BPIFB2: variants seen among roughly 807,000 people sequenced by gnomAD.
The protein encoded by BPIFB2 is BPI fold-containing family B member 2.
Under a neutral mutation model 50.1 loss-of-function variants are expected in BPIFB2, and 39 were observed. The observed-to-expected ratio is 0.78, with a 90% CI of 0.60 to 1.02. The LOEUF (loss-of-function observed/expected upper bound fraction) is 1.02. Ranked by LOEUF, BPIFB2 falls within the 50% of genes least tolerant of loss-of-function variation. The probability of loss-of-function intolerance (pLI) is 0.00; values close to 1 mark genes in which losing one functional copy is unlikely to be tolerated. For missense variants in BPIFB2, 574 were observed against 585.8 expected (o/e 0.98, Z 0.21); for synonymous variants, 280 against 256.3 (o/e 1.09, Z -0.88).
In BPIFB2 at chr20:33,009,170, C is replaced by T. The variant is rs748728045; in HGVS notation, c.109+487C>T. ...TTCTTGGGAGAGGTCTGTCTAGCAC[C>T]GTGATGCAAGGAGTGTTCTAAAGTT... On this transcript the variant is annotated intron_variant, in intron 2 of 15. Transcript: ENST00000170150. The surrounding 1 kb of genome is among the most constrained non-coding windows in gnomAD (Gnocchi z 4.2). Among the ~76,000 whole-genome samples, 20 of 152,072 alleles carry T rather than the reference C, an allele frequency of 1.3e-4. No individual in the cohort carries two copies. Among genetic ancestry groups the T allele is most frequent in the Non-Finnish European group, 2.9e-4 (20 of 68,002 alleles).
In BPIFB2 at chr20:33,013,974, GCAGGGTCACAGGAATCC is replaced by G. The variant is rs1430954792; in HGVS notation, c.455+22_455+38del. On this transcript the variant is annotated intron_variant, in intron 5 of 15. Transcript: ENST00000170150. ...AGTAACAGGTGGGTGCCTGGTGAGG[GCAGGGTCACAGGAATCC>G]CAGATGCCAAAGCTGTGCTGCTGTT... The G allele has an allele frequency of 6.2e-7, 1 of 1,606,894 alleles. No individual in the cohort carries two copies. Among genetic ancestry groups the G allele is most frequent in the African/African-American group, 1.3e-5 (1 of 74,818 alleles).
chr20:33,015,967 T>C (rs1978412422), intron 6 of BPIFB2, among the ~76,000 whole-genome samples: 1 of 152,164 alleles, frequency 6.6e-6, no homozygotes. Context: ...ATGAAATGCA[T>C]TAACATTTCA....
At chr20:33,015,133 G>A (rs560480121) in intron 5 of BPIFB2, among the ~76,000 whole-genome samples, 2 of 152,166 alleles carry the variant, frequency 1.3e-5, no homozygotes, top group African/African-American at 4.8e-5. Flanking sequence ...GAGTGGCCAC[G>A]AAGCCAGCTG....
At position 33,023,513 on chromosome 20, in the gene BPIFB2, G is replaced by T; in HGVS notation, c.*130G>T. ...CCAACAAGCTGGACTGCTTAGCTGG[G>T]CTGTTTTATCTTCCCTGAGTGCCTG... On this transcript the variant is annotated 3_prime_UTR_variant, in exon 16 of 16. Coordinates refer to ENST00000170150, the MANE Select transcript of BPIFB2 (RefSeq NM_025227.3). 8.9e-7 allele frequency: 1 copy of T among 1,125,968 alleles called. No homozygotes were observed. The highest frequency in any genetic ancestry group is 1.3e-6 in the Non-Finnish European group (1 of 762,988). The allele number at this position is 1,125,968 out of a possible 1,614,324, so 69.7% of individuals were successfully genotyped here. A position where few individuals can be genotyped will look rare whatever the true frequency, so the allele number is the denominator to read the frequency against.
At position 33,021,270 on chromosome 20, in the gene BPIFB2, C is replaced by A. The variant is rs775070046; in HGVS notation, c.1195-11C>A. ...TGGGACGGGCCCATCTCCCTGGCTC[C>A]GTGGCCACAGACAGATCAGGTGCGC... On this transcript the variant is annotated splice_polypyrimidine_tract_variant and intron_variant, in intron 13 of 15. Coordinates refer to ENST00000170150, the MANE Select transcript of BPIFB2 (RefSeq NM_025227.3). 2.5e-6 allele frequency: 4 copies of A among 1,613,866 alleles called. No individual in the cohort carries two copies. In the Admixed American group the frequency reaches 6.7e-5, roughly 27 times the overall value.
At chr20:33,010,337 C>G (rs895979716) in intron 2 of BPIFB2, among the ~76,000 whole-genome samples, 4 of 152,144 alleles carry the variant, frequency 2.6e-5, no homozygotes, top group African/African-American at 9.7e-5. Context: ...CAGAACAGGG[C>G]CTGGCACTAC....
Position 33,019,099 on chromosome 20 carries a change from G to A in BPIFB2, c.893G>A (p.Gly298Asp), listed in dbSNP as rs1484884049. Residue 298 changes from glycine to aspartate, a missense_variant, in exon 10 of 16, where the codon GGC (glycine) becomes GAC (aspartate). Physicochemically the swap from Gly to Asp is moderately conservative, Grantham distance 94. Coordinates refer to ENST00000170150, the MANE Select transcript of BPIFB2 (RefSeq NM_025227.3). ...DDNLLNTSAL[G>D]RLIPEVARQF... Reference sequence around the variant, plus strand: ...AACCTGCTGAACACCTCTGCTCTGGGCCGGCTCATCCCGGAGGTCGGTGAT... The same window carrying A: ...AACCTGCTGAACACCTCTGCTCTGGACCGGCTCATCCCGGAGGTCGGTGAT... The A allele has an allele frequency of 5.0e-6, 8 of 1,614,166 alleles. No individual in the cohort carries two copies. The highest frequency in any genetic ancestry group is 2.2e-5 in the South Asian group (2 of 91,088).
chr20:33,018,183 C>T (rs777085571), intron 7 of BPIFB2, 76 bp from the exon 8 acceptor site: 145 of 1,155,992 alleles, frequency 1.3e-4, no homozygotes, highest in Middle Eastern at 2.0e-4. Context: ...AATAAATAAA[C>T]TTTTCTGGAT....
At chr20:33,020,620 C>A in intron 13 of BPIFB2, 33 bp downstream of exon 13, 1 of 1,574,892 alleles carries the variant, frequency 6.3e-7, no homozygotes, top group Non-Finnish European at 8.6e-7. Flanking sequence ...TAGAAACCCC[C>A]GTCCTGGGTA....
rs150330133 is a variant in BPIFB2, at chr20:33,018,281, G to A, written c.600G>A (p.Glu200=). The stretch of plus-strand genomic sequence containing the variant: ...AAGGCCTCAACCCCGTGGGTCCTGA[G>A]TCCCAGATCCGCTATTCCATGGTCA... ...TLIGLNPVGP[E]SQIRYSMVSV... is the part of the protein sequence containing the mutation. Residue 200 remains glutamate (E), a synonymous_variant, in exon 8 of 16, where the codon GAG becomes GAA. Transcript: ENST00000170150. The A allele has an allele frequency of 1.4e-5, 22 of 1,614,022 alleles. No individual in the cohort carries two copies. The highest frequency in any genetic ancestry group is 1.6e-4 in the Middle Eastern group (1 of 6,062).
chr20:33,016,367 C>T (rs1193361033), intron 6 of BPIFB2, among the ~76,000 whole-genome samples: 1 of 152,130 alleles, frequency 6.6e-6, no homozygotes, highest in Non-Finnish European at 1.5e-5. Context: ...CTGTAGTCCC[C>T]CTGCTGCCCT....
rs145993848 is a variant in BPIFB2 at position 33,019,700 on chromosome 20, C to T, written c.1030C>T (p.Leu344=). The T allele has an allele frequency of 3.7e-6, 6 of 1,612,024 alleles. No homozygotes were observed. Among genetic ancestry groups the T allele is most frequent in the Non-Finnish European group, 5.1e-6 (6 of 1,179,106 alleles). ...TLRLQPFVEV[L]ATASNSAFQS... ...GCGGCTGCAGCCCTTCGTGGAGGTC[C>T]TGGCCACAGCCTCCAACTCGGCTTT... The change falls in exon 11 of 16, where the codon CTG becomes TTG. Residue 344 remains leucine (L), a synonymous_variant. Coordinates refer to ENST00000170150, the MANE Select transcript of BPIFB2 (RefSeq NM_025227.3).
In BPIFB2 at chr20:33,023,466, G is replaced by A; in HGVS notation, c.*83G>A. On this transcript the variant is annotated 3_prime_UTR_variant, in exon 16 of 16. Coordinates refer to ENST00000170150, the MANE Select transcript of BPIFB2 (RefSeq NM_025227.3). Reference sequence around the variant, plus strand: ...ATTTCAAGCCACTGGGGAAACTGAGGCAAAACCATACTTAGTCATCACCAA... The same window carrying A: ...ATTTCAAGCCACTGGGGAAACTGAGACAAAACCATACTTAGTCATCACCAA... 1 of 1,498,054 alleles carries A rather than the reference G, an allele frequency of 6.7e-7. No homozygotes were observed. The highest frequency in any genetic ancestry group is 9.3e-7 in the Non-Finnish European group (1 of 1,077,544). The allele number at this position is 1,498,054 out of a possible 1,614,324, so 92.8% of individuals were successfully genotyped here. A position where few individuals can be genotyped will look rare whatever the true frequency, so the allele number is the denominator to read the frequency against.
chr20:33,018,142 G>T, intron 7 of BPIFB2, 117 bp from the exon 8 acceptor site: 1 of 771,416 alleles, frequency 1.3e-6, no homozygotes, highest in Non-Finnish European at 2.0e-6. Flanking sequence ...TTGTTTCGTG[G>T]CCTGGCTCTG....
chr20:33,021,446 C>G, intron 14 of BPIFB2, 102 bp downstream of exon 14: 4 of 1,343,260 alleles, frequency 3.0e-6, no homozygotes, highest in Non-Finnish European at 4.2e-6. Flanking sequence ...CCCAGGCTCA[C>G]AGGGTGAGAG....
At position 33,009,777 on chromosome 20, in the gene BPIFB2, G is replaced by T. The variant is rs1244948248; in HGVS notation, c.109+1094G>T. Among the ~76,000 whole-genome samples, 3 of 152,218 alleles carry T rather than the reference G, an allele frequency of 2.0e-5. No homozygotes were observed. The highest frequency in any genetic ancestry group is 6.5e-5 in the Admixed American group (1 of 15,284). On this transcript the variant is annotated intron_variant, in intron 2 of 15. Transcript: ENST00000170150. The surrounding 1 kb of genome is among the most constrained non-coding windows in gnomAD (Gnocchi z 4.2). Reference sequence around the variant, plus strand: ...CTTTGTCCCCAGGGAGCCCTCCCCAGCTTGCCTGCCTGTGTTTGTTTTTGG... The same window carrying T: ...CTTTGTCCCCAGGGAGCCCTCCCCATCTTGCCTGCCTGTGTTTGTTTTTGG...
rs553928745 is a variant in BPIFB2, at chr20:33,014,702, G to A, written c.456-734G>A. Among the ~76,000 whole-genome samples the A allele has an allele frequency of 2.1e-4, 32 of 152,332 alleles. No homozygotes were observed. The South Asian group carries it at 4.3e-3, about 21-fold the overall frequency. ...TCTTGGAGGCTTAGAAGAATGCAAC[G>A]TATGCATCAAGACTGAGCTTTCTCC... On this transcript the variant is annotated intron_variant, in intron 5 of 15. Transcript: ENST00000170150.
intron 15 of BPIFB2, among the ~76,000 whole-genome samples, chr20:33,022,754 GTAATTAGCCATAGGACTAAT>G (rs1025858903): frequency 3.9e-5 from 6 of 152,336 alleles, no homozygotes; most frequent in South Asian, 4.1e-4. Context: ...GAATTTCCAT[GTAATTAGCCATAGGACTAAT>G]TAATTAGCCA....
At chr20:33,010,524 T>C (rs1274548764) in intron 2 of BPIFB2, among the ~76,000 whole-genome samples, 1 of 151,970 alleles carries the variant, frequency 6.6e-6, no homozygotes, top group African/African-American at 2.4e-5. Context: ...AGGCAGTGAG[T>C]AGCAGTGAGC....
Sources: allele counts gnomAD v4.1 joint callset (sites outside exome capture counted in the v4.1 genomes callset), GRCh38; gene constraint gnomAD v4.1.1; non-coding constraint Gnocchi (gnomAD v3.1); transcripts MANE v1.5; gene names NCBI Gene and HGNC (gene_info 2026-07-23, HGNC 2026-07-21).